SPICE1: variants seen among roughly 807,000 people sequenced by gnomAD.
SPICE1 encodes spindle and centriole associated protein 1.
In SPICE1, 75 loss-of-function variants were observed where a neutral mutation model predicts 102.7. That is an observed-to-expected ratio of 0.73 (90% confidence interval 0.61 to 0.88). The LOEUF (loss-of-function observed/expected upper bound fraction) is 0.88, where lower values mean the gene tolerates loss of function less well. SPICE1 is among the 40% of genes least tolerant of loss of function. The pLI, the probability that SPICE1 is intolerant of heterozygous loss-of-function variation, is 0.00. For missense variants in SPICE1, 979 were observed against 1,020.1 expected, an observed-to-expected ratio of 0.96 and a Z score of 0.55; for synonymous variants, 308 against 350.3, an observed-to-expected ratio of 0.88 and a Z score of 1.35.
intron 7 of SPICE1, among the ~76,000 whole-genome samples, chr3:113,476,744 G>A (rs1936359819): frequency 6.6e-6 from 1 of 150,882 alleles, no homozygotes; most frequent in Admixed American, 6.6e-5. Flanking sequence ...GGAGAAAGCT[G>A]AAACTGGATC....
intron 7 of SPICE1, among the ~76,000 whole-genome samples, chr3:113,471,018 G>T (rs1445809530): frequency 1.3e-5 from 2 of 152,178 alleles, no homozygotes. Flanking sequence ...TGATTTAGAT[G>T]ATGAGATTTG....
rs989847034 is a variant in SPICE1, at chr3:113,468,630, G to C, written c.889+132C>G. 1.6e-5 allele frequency: 18 copies of C among 1,144,644 alleles called. No individual in the cohort carries two copies. The East Asian group carries it at 4.5e-4, about 29-fold the overall frequency. 70.9% of individuals were successfully genotyped at this position (1,144,644 alleles called of 1,614,324 possible). On this transcript the variant is annotated intron_variant, in intron 9 of 17. Coordinates refer to ENST00000295872, the MANE Select transcript of SPICE1 (RefSeq NM_144718.4). ...TACATGTGGTAGGAGACATTTCTTA[G>C]CTACCATTCAATAAACTTTCAGTTG...
At chr3:113,464,754 C>T (rs770486910) in intron 11 of SPICE1, among the ~76,000 whole-genome samples, 5 of 152,216 alleles carry the variant, frequency 3.3e-5, no homozygotes, top group South Asian at 4.1e-4. Context: ...AACAAGTACA[C>T]ATATAAGTAT....
At chr3:113,447,880 C>T (rs954885986) in intron 16 of SPICE1, among the ~76,000 whole-genome samples, 158 bp downstream of exon 16, 2 of 152,184 alleles carry the variant, frequency 1.3e-5, no homozygotes, top group African/African-American at 4.8e-5. Context: ...TCCATTTCCC[C>T]TCAAAATTCT....
chr3:113,483,750 T>A (rs1469378887), intron 7 of SPICE1, among the ~76,000 whole-genome samples: 1 of 152,218 alleles, frequency 6.6e-6, no homozygotes, highest in Non-Finnish European at 1.5e-5. Context: ...GTGGATAAGC[T>A]TTTTGATGTG....
chr3:113,468,958 T>C (rs1936129163), intron 8 of SPICE1, 59 bp from the exon 9 acceptor site: 5 of 1,575,536 alleles, frequency 3.2e-6, no homozygotes, highest in Non-Finnish European at 3.4e-6. Context: ...AAGAAAGTAT[T>C]TCAATTGACA....
At chr3:113,452,568 C>T (rs1201210312) in intron 14 of SPICE1, among the ~76,000 whole-genome samples, 2 of 152,140 alleles carry the variant, frequency 1.3e-5, no homozygotes. Context: ...CCTGTAATCC[C>T]AGCTACTTGG....
chr3:113,502,226 CTT>C (rs1937022392), intron 3 of SPICE1, among the ~76,000 whole-genome samples: 1 of 151,992 alleles, frequency 6.6e-6, no homozygotes, highest in Non-Finnish European at 1.5e-5. Context: ...AAATACAAAA[CTT>C]AGCCAGGCGT....
intron 11 of SPICE1, among the ~76,000 whole-genome samples, chr3:113,462,661 C>T (rs1287835247): frequency 1.3e-5 from 2 of 152,118 alleles, no homozygotes; most frequent in Non-Finnish European, 2.9e-5. Context: ...TCAAACAGCC[C>T]CTCAGTTGTT....
At chr3:113,486,304 G>A (rs1364010589) in intron 7 of SPICE1, among the ~76,000 whole-genome samples, 3 of 148,962 alleles carry the variant, frequency 2.0e-5, no homozygotes, top group Non-Finnish European at 4.4e-5. Flanking sequence ...AGAGAAGCAA[G>A]AGCAAACAAA....
intron 11 of SPICE1, among the ~76,000 whole-genome samples, chr3:113,464,953 A>C (rs1576627732): frequency 1.3e-5 from 2 of 152,102 alleles, no homozygotes; most frequent in East Asian, 3.9e-4. Context: ...CAAAACATAA[A>C]AAGTTAGCTG....
intron 10 of SPICE1, among the ~76,000 whole-genome samples, chr3:113,467,895 CTACTAATTA>C (rs1199597355): frequency 1.4e-5 from 2 of 137,952 alleles, no homozygotes; most frequent in Non-Finnish European, 3.4e-5. Context: ...CAGATTTACC[CTACTAATTA>C]TAATTTGCTA....
chr3:113,473,788 A>G (rs372707793), intron 7 of SPICE1, among the ~76,000 whole-genome samples: 8,161 of 151,658 alleles, frequency 0.054, 244 homozygotes, highest in East Asian at 0.099. Context: ...TGAAGGAAGC[A>G]CTAAACATGG....
rs921784639 is a variant in SPICE1 at position 113,493,397 on chromosome 3, A to G, written c.386-85T>C. 6.7e-6 allele frequency: 7 copies of G among 1,048,046 alleles called. No individual in the cohort carries two copies. The Admixed American group carries it at 7.9e-5, about 12-fold the overall frequency. 64.9% of individuals were successfully genotyped at this position (1,048,046 alleles called of 1,614,324 possible). A position where few individuals can be genotyped will look rare whatever the true frequency, so the allele number is the denominator to read the frequency against. On this transcript the variant is annotated intron_variant, in intron 5 of 17. Transcript: ENST00000295872. ...CTCTATACTGCCATTGGTTTGCATC[A>G]TCATATGAAAATCTTAAACAGCAGC...
intron 17 of SPICE1, 117 bp from the exon 18 acceptor site, chr3:113,445,477 G>A (rs1362036630): frequency 4.1e-6 from 3 of 732,880 alleles, no homozygotes; most frequent in Middle Eastern, 2.4e-4. Flanking sequence ...GCCATTGAAT[G>A]GTACTGGAAA....
chr3:113,491,380 G>A (rs898000990), intron 6 of SPICE1, among the ~76,000 whole-genome samples: 75 of 151,968 alleles, frequency 4.9e-4, no homozygotes, highest in Non-Finnish European at 6.9e-4. Context: ...CAGCACTTTG[G>A]GAGGCCGAGG....
chr3:113,453,281 G>T (rs1165962986), intron 14 of SPICE1, among the ~76,000 whole-genome samples, 185 bp downstream of exon 14: 4 of 151,856 alleles, frequency 2.6e-5, no homozygotes, highest in Non-Finnish European at 5.9e-5. Context: ...ATGCTGTCTT[G>T]TATTGTATGT....
chr3:113,445,798 C>T (rs1470983679), intron 17 of SPICE1, among the ~76,000 whole-genome samples: 1 of 152,058 alleles, frequency 6.6e-6, no homozygotes, highest in Non-Finnish European at 1.5e-5. Context: ...CTATCATTCC[C>T]CTATCATTTA....
chr3:113,476,393 C>T (rs1321735591), intron 7 of SPICE1, among the ~76,000 whole-genome samples: 1 of 151,212 alleles, frequency 6.6e-6, no homozygotes. Context: ...CCATCCCCAT[C>T]AAGCTACCAA....
Sources: allele counts gnomAD v4.1 joint callset (sites outside exome capture counted in the v4.1 genomes callset), GRCh38; gene constraint gnomAD v4.1.1; transcripts MANE v1.5; gene names NCBI Gene and HGNC (gene_info 2026-07-23, HGNC 2026-07-21).